GRIA3: variants seen among roughly 807,000 people sequenced by gnomAD.
The protein encoded by GRIA3 is glutamate receptor 3.
Under a neutral mutation model 63.0 loss-of-function variants are expected in GRIA3, and 3 were observed. The ratio of observed to expected loss-of-function variants is 0.05; its 90% CI spans 0.02 to 0.12. The LOEUF (loss-of-function observed/expected upper bound fraction) is 0.12, where lower values mean the gene tolerates loss of function less well. Among genes scored for constraint, GRIA3 ranks in the 10% least tolerant of loss-of-function variants. The probability of loss-of-function intolerance (pLI) is 1.00; values close to 1 mark genes in which losing one functional copy is unlikely to be tolerated. For synonymous variants in GRIA3, 274 were observed against 257.9 expected, an observed-to-expected ratio of 1.06 and a Z score of -0.60; for missense variants, 347 against 700.9, an observed-to-expected ratio of 0.50 and a Z score of 5.70.
intron 12 of GRIA3, 78 bp from the exon 13 acceptor site, chrX:123,464,784 TAAA>T: frequency 1.3e-6 from 1 of 761,980 alleles, no homozygotes; most frequent in Non-Finnish European, 1.9e-6. Flanking sequence ...GGATTGCAAT[TAAA>T]AAAAAAAAAC....
chrX:123,463,433 C>A (rs1569440704), intron 12 of GRIA3, among the ~76,000 whole-genome samples: 1 of 104,937 alleles, frequency 9.5e-6, no homozygotes, highest in Admixed American at 1.1e-4. Flanking sequence ...ACTTGTAGTC[C>A]CAGGTATTCA....
chrX:123,239,370 G>A (rs2059481999), intron 2 of GRIA3, among the ~76,000 whole-genome samples: 1 of 110,559 alleles, frequency 9.0e-6, no homozygotes, highest in Non-Finnish European at 1.9e-5. Context: ...AAGTAGTCAT[G>A]AGAAATACTG....
At chrX:123,348,417 G>C (rs1017770135) in intron 4 of GRIA3, among the ~76,000 whole-genome samples, 1 of 111,653 alleles carries the variant, frequency 9.0e-6, no homozygotes, top group African/African-American at 3.3e-5. Context: ...ACATGGTCGT[G>C]TTAAAGAAAA....
rs774750012 is a variant in GRIA3, at chrX:123,462,813, TG to T, written c.2077-2050del. Among the ~76,000 whole-genome samples the T allele has an allele frequency of 2.0e-3, 221 of 111,693 alleles. 1 individual carries two copies. Among genetic ancestry groups the T allele is most frequent in the Non-Finnish European group, 3.1e-3 (162 of 53,075 alleles). On this transcript the variant is annotated intron_variant, in intron 12 of 15. Transcript: ENST00000620443. ...CCCCACAAAAAGACATTTGAAAACA[TG>T]GTATATGTTTATGGTTTCTGCCATG...
At chrX:123,392,047 G>A (rs1475447862) in intron 5 of GRIA3, among the ~76,000 whole-genome samples, 34 of 112,117 alleles carry the variant, frequency 3.0e-4, no homozygotes, top group Non-Finnish European at 9.4e-5. Flanking sequence ...GGGGCGAGGT[G>A]ATCCCTAGAT....
chrX:123,384,236 G>A (rs761254534), intron 5 of GRIA3, among the ~76,000 whole-genome samples: 71 of 112,115 alleles, frequency 6.3e-4, no homozygotes, highest in Non-Finnish European at 1.2e-3. Flanking sequence ...GGATTGCTGG[G>A]TCTAATGGTA....
chrX:123,403,003 C>T lies in GRIA3; in HGVS notation c.1090C>T (p.Gln364Ter), dbSNP rs755841420. Residue 364 changes from glutamine to a stop codon, truncating the protein, a stop_gained, in exon 8 of 16, where the codon CAA (glutamine) becomes TAA (stop). Transcript: ENST00000620443. LOFTEE classifies it high-confidence loss of function. ...IERALKMVQV[Q>*]GMTGNIQFDT... Reference sequence around the variant, plus strand: ...TTTCCCTTTCTACCAGGTGCAAGTACAAGGAATGACTGGAAATATTCAATT... The same window carrying T: ...TTTCCCTTTCTACCAGGTGCAAGTATAAGGAATGACTGGAAATATTCAATT... 1 of 1,121,724 alleles carries T rather than the reference C, an allele frequency of 8.9e-7. No homozygotes were observed. Among genetic ancestry groups the T allele is most frequent in the Non-Finnish European group, 1.2e-6 (1 of 815,398 alleles). The allele number at this position is 1,121,724 out of a possible 1,213,427, so 92.4% of individuals were successfully genotyped here. A position where few individuals can be genotyped will look rare whatever the true frequency, so the allele number is the denominator to read the frequency against.
chrX:123,200,637 A>G (rs943569312), intron 2 of GRIA3, among the ~76,000 whole-genome samples: 7 of 107,588 alleles, frequency 6.5e-5, no homozygotes, highest in Non-Finnish European at 1.2e-4. Context: ...ACACACACAC[A>G]CACACGCAAC....
At chrX:123,222,765 G>A (rs1206123173) in intron 2 of GRIA3, among the ~76,000 whole-genome samples, 1 of 111,526 alleles carries the variant, frequency 9.0e-6, no homozygotes, top group Non-Finnish European at 1.9e-5. Flanking sequence ...TGATCCTTGA[G>A]GTCCCTTCTT....
At chrX:123,202,831 A>G in intron 2 of GRIA3, 1 of 1,078,356 alleles carries the variant, frequency 9.3e-7, no homozygotes, top group Non-Finnish European at 1.3e-6. Context: ...AAGGGGAAAG[A>G]ATCTTGTTCA....
At chrX:123,252,476 T>G (rs1284424642) in intron 2 of GRIA3, among the ~76,000 whole-genome samples, 1 of 112,186 alleles carries the variant, frequency 8.9e-6, no homozygotes, top group African/African-American at 3.2e-5. Context: ...CTAATTATGT[T>G]CTACTGAAGC....
chrX:123,467,161 A>AGGAATTGAT (rs1406769540), intron 13 of GRIA3, among the ~76,000 whole-genome samples: 5 of 112,233 alleles, frequency 4.5e-5, no homozygotes, highest in Non-Finnish European at 7.5e-5. Context: ...GAAGACTGCA[A>AGGAATTGAT]GGAATTGATT....
intron 15 of GRIA3, among the ~76,000 whole-genome samples, chrX:123,483,797 T>A (rs922885614): frequency 9.0e-6 from 1 of 111,045 alleles, no homozygotes; most frequent in Non-Finnish European, 1.9e-5. Flanking sequence ...GCGGGCATAG[T>A]GGCAGGCGCC....
rs771412940 is a variant in GRIA3 at position 123,234,840 on chromosome X, T to A, written c.269-18463T>A. Among the ~76,000 whole-genome samples, 6 of 111,698 alleles carry A rather than the reference T, an allele frequency of 5.4e-5. No homozygotes were observed. In the East Asian group the frequency reaches 1.7e-3, roughly 32 times the overall value. On this transcript the variant is annotated intron_variant, in intron 2 of 15. Coordinates refer to ENST00000620443, the MANE Select transcript of GRIA3 (RefSeq NM_007325.5). ...AGGCAAGAGGGTGCAAATGACAAAATCTCTTCTAAAGACGAATAACTGGAT... is the reference window on the plus strand; with the variant it reads ...AGGCAAGAGGGTGCAAATGACAAAAACTCTTCTAAAGACGAATAACTGGAT...
At chrX:123,444,698 C>T (rs1197763504) in intron 12 of GRIA3, among the ~76,000 whole-genome samples, 2 of 110,805 alleles carry the variant, frequency 1.8e-5, no homozygotes, top group Non-Finnish European at 3.8e-5. Context: ...AGTGAGGGCA[C>T]ATCTTTAAGA....
intron 5 of GRIA3, among the ~76,000 whole-genome samples, chrX:123,392,883 G>T (rs893290563): frequency 8.9e-6 from 1 of 111,956 alleles, no homozygotes; most frequent in African/African-American, 3.2e-5. Context: ...TTGAATATAA[G>T]TTTAAGGAGT....
At position 123,218,529 on chromosome X, in the gene GRIA3, G is replaced by A. The variant is rs192228562; in HGVS notation, c.268+32539G>A. On this transcript the variant is annotated intron_variant, in intron 2 of 15. Transcript: ENST00000620443. ...GGCTGGAGTGCAGTGGCGCGATCTC[G>A]GCTCACTGCAAGCTCCGCCTCCCAG... Among the ~76,000 whole-genome samples, 1,038 of 110,715 alleles carry A rather than the reference G, an allele frequency of 9.4e-3. 8 individuals are homozygous for A. Among genetic ancestry groups the A allele is most frequent in the Non-Finnish European group, 0.014 (763 of 52,806 alleles).
chrX:123,197,696 A>T (rs1019804368), intron 2 of GRIA3, among the ~76,000 whole-genome samples: 2 of 112,161 alleles, frequency 1.8e-5, no homozygotes, highest in African/African-American at 6.5e-5. Context: ...TGCCTTTATG[A>T]GAGCCTGTGA....
chrX:123,425,740 C>T (rs1445980386), intron 11 of GRIA3, among the ~76,000 whole-genome samples: 1 of 111,422 alleles, frequency 9.0e-6, no homozygotes, highest in African/African-American at 3.3e-5. Context: ...TACTGCAAAG[C>T]AGATTTTCAA....
Sources: allele counts gnomAD v4.1 joint callset (sites outside exome capture counted in the v4.1 genomes callset), GRCh38; gene constraint gnomAD v4.1.1; transcripts MANE v1.5; gene names NCBI Gene and HGNC (gene_info 2026-07-23, HGNC 2026-07-21).